The following FREM1 variants were observed in gnomAD, a reference collection of about 807,000 sequenced individuals.
FREM1 encodes the protein FRAS1-related extracellular matrix protein 1.
Under a neutral mutation model 210.1 loss-of-function variants are expected in FREM1, and 220 were observed. The ratio of observed to expected loss-of-function variants is 1.05; its 90% CI spans 0.94 to 1.17. The LOEUF (loss-of-function observed/expected upper bound fraction) is 1.17, where lower values mean the gene tolerates loss of function less well. FREM1 is among the 50% of genes most tolerant of loss of function. The pLI, the probability that FREM1 is intolerant of heterozygous loss-of-function variation, is 0.00. For missense variants in FREM1, 3,454 were observed against 2,675.5 expected, an observed-to-expected ratio of 1.29 and a Z score of -6.42; for synonymous variants, 1,189 against 980.2, an observed-to-expected ratio of 1.21 and a Z score of -3.98.
intron 1 of FREM1, among the ~76,000 whole-genome samples, chr9:14,890,570 A>T (rs1455317563): frequency 1.3e-5 from 2 of 152,224 alleles, no homozygotes; most frequent in African/African-American, 4.8e-5. Flanking sequence ...AAACAAAACA[A>T]AACGGGTTCT....
intron 3 of FREM1, among the ~76,000 whole-genome samples, chr9:14,862,119 A>G (rs1211026483): frequency 6.6e-6 from 1 of 152,188 alleles, no homozygotes; most frequent in African/African-American, 2.4e-5. Context: ...CATTTTCTCA[A>G]CACAGCATTT....
Position 14,792,631 on chromosome 9 carries a change from C to T in FREM1, c.3981+112G>A, listed in dbSNP as rs1459620405. On this transcript the variant is annotated intron_variant, in intron 22 of 36. Coordinates refer to ENST00000380880, the MANE Select transcript of FREM1 (RefSeq NM_001379081.2). ...ACTAGTAAAATTAAATTTTCTACTTCTAGGCAAATATATGTCTATCAGAGA... is the reference window on the plus strand; with the variant it reads ...ACTAGTAAAATTAAATTTTCTACTTTTAGGCAAATATATGTCTATCAGAGA... 7.4e-6 allele frequency: 6 copies of T among 809,138 alleles called. No individual in the cohort carries two copies. The South Asian group carries it at 1.4e-4, about 19-fold the overall frequency. 50.1% of individuals were successfully genotyped at this position (809,138 alleles called of 1,614,324 possible).
chr9:14,842,156 C>T (rs1256102401), intron 9 of FREM1, among the ~76,000 whole-genome samples, 160 bp downstream of exon 9: 1 of 152,184 alleles, frequency 6.6e-6, no homozygotes, highest in Non-Finnish European at 1.5e-5. Flanking sequence ...CAGGCTTCCT[C>T]ATTATGAAAT....
Position 14,813,018 on chromosome 9 carries a change from A to G in FREM1, c.2687T>C (p.Met896Thr), listed in dbSNP as rs200132311. Reference sequence around the variant, plus strand: ...TCCCTCTGAGCAATTCATGACAGGCATGAGGTCAGCCTTTAAGACTGGTGG... The same window carrying G: ...TCCCTCTGAGCAATTCATGACAGGCGTGAGGTCAGCCTTTAAGACTGGTGG... The part of the protein sequence containing the change: ...DEPPVLKADL[M>T]PVMNCSEGGE... The change falls in exon 16 of 37, where the codon ATG becomes ACG. Residue 896 changes from methionine (M) to threonine (T), a missense_variant. Transcript: ENST00000380880. 1 of 1,613,924 alleles carries G rather than the reference A, an allele frequency of 6.2e-7. No homozygotes were observed. Among genetic ancestry groups the G allele is most frequent in the Admixed American group, 1.7e-5 (1 of 60,006 alleles).
intron 1 of FREM1, among the ~76,000 whole-genome samples, chr9:14,894,593 A>G (rs1837376546): frequency 6.6e-6 from 1 of 152,250 alleles, no homozygotes; most frequent in Non-Finnish European, 1.5e-5. Context: ...GAACTAATAG[A>G]AGACTGAAGT....
At chr9:14,762,408 T>G (rs759258922) in intron 27 of FREM1, among the ~76,000 whole-genome samples, 4 of 152,204 alleles carry the variant, frequency 2.6e-5, no homozygotes, top group African/African-American at 9.6e-5. Context: ...ATTCTGTAGA[T>G]CCTGGTGACC....
At chr9:14,814,120 G>C (rs1292920128) in intron 15 of FREM1, among the ~76,000 whole-genome samples, 2 of 152,050 alleles carry the variant, frequency 1.3e-5, no homozygotes, top group African/African-American at 2.4e-5. Flanking sequence ...CTCTTTGCTT[G>C]GTTAACTCCT....
intron 30 of FREM1, among the ~76,000 whole-genome samples, chr9:14,749,185 A>C (rs1222879430): frequency 6.6e-6 from 1 of 152,224 alleles, no homozygotes; most frequent in Non-Finnish European, 1.5e-5. Flanking sequence ...GGCATAAAAA[A>C]TTTGAGGGCA....
intron 24 of FREM1, among the ~76,000 whole-genome samples, chr9:14,776,598 T>C (rs933588465): frequency 2.0e-5 from 3 of 152,362 alleles, no homozygotes; most frequent in Admixed American, 2.0e-4. Context: ...TTCAATTGTT[T>C]TTTTCTTCAT....
intron 10 of FREM1, among the ~76,000 whole-genome samples, chr9:14,832,135 T>G (rs1823680879): frequency 6.6e-6 from 1 of 152,248 alleles, no homozygotes; most frequent in African/African-American, 2.4e-5. Flanking sequence ...TATTTTCTTT[T>G]GCAGCCATAT....
At chr9:14,900,727 G>A (rs1322800696) in intron 1 of FREM1, among the ~76,000 whole-genome samples, 3 of 152,208 alleles carry the variant, frequency 2.0e-5, no homozygotes, top group Non-Finnish European at 4.4e-5. Flanking sequence ...TCCCTGGAAA[G>A]CCAGTCCCAT....
chr9:14,905,774 C>T (rs1053145060), intron 1 of FREM1, among the ~76,000 whole-genome samples: 5 of 152,122 alleles, frequency 3.3e-5, no homozygotes, highest in Non-Finnish European at 5.9e-5. Context: ...GCCTGTAGTC[C>T]CAGCTACTCG....
chr9:14,868,964 C>T lies in FREM1; in HGVS notation c.14G>A (p.Ser5Asn), dbSNP rs373691883. 2 of 1,581,004 alleles carry T rather than the reference C, an allele frequency of 1.3e-6. No individual in the cohort carries two copies. Among genetic ancestry groups the T allele is most frequent in the Admixed American group, 1.8e-5 (1 of 56,960 alleles). Residue 5 changes from serine (S) to asparagine (N), a missense_variant, in exon 2 of 37, where the codon AGT becomes AAT. Ser to Asn is a conservative substitution (Grantham distance 46). Coordinates refer to ENST00000380880, the MANE Select transcript of FREM1 (RefSeq NM_001379081.2). MNSL[S>N]WGAANAVLLL... is the part of the protein sequence containing the mutation. Reference sequence around the variant, plus strand: ...CAGCACGGCATTCGCAGCCCCCCAACTCAGAGAGTTCATGCTGACAGGGCC... The same window carrying T: ...CAGCACGGCATTCGCAGCCCCCCAATTCAGAGAGTTCATGCTGACAGGGCC...
chr9:14,756,430 G>T lies in FREM1; in HGVS notation c.5351C>A (p.Ala1784Asp). Residue 1784 changes from alanine (A) to aspartate (D), a missense_variant, in exon 29 of 37, where the codon GCT becomes GAT. Ala to Asp is a moderately radical substitution (Grantham distance 126). Transcript: ENST00000380880. ...FVGIKVNQVS[A>D]AVGKDFTVIP... ...CACGGTGAAATCTTTTCCAACTGCA[G>T]CTGACACTTGGTTGACCTTAGGAGG... The T allele has an allele frequency of 6.3e-7, 1 of 1,598,618 alleles. No individual in the cohort carries two copies. Among genetic ancestry groups the T allele is most frequent in the Non-Finnish European group, 8.5e-7 (1 of 1,172,000 alleles).
chr9:14,758,681 A>T, intron 28 of FREM1, among the ~76,000 whole-genome samples: 5 of 98,564 alleles, frequency 5.1e-5, no homozygotes, highest in African/African-American at 7.5e-5. Flanking sequence ...TGGTGGGGGG[A>T]TGGGGTGGGG....
At chr9:14,898,544 C>A (rs1163055635) in intron 1 of FREM1, among the ~76,000 whole-genome samples, 2 of 152,148 alleles carry the variant, frequency 1.3e-5, no homozygotes, top group Non-Finnish European at 2.9e-5. Context: ...GAGTTCGAGA[C>A]CAGCCTGGCC....
At chr9:14,758,697 T>A (rs571462132) in intron 28 of FREM1, among the ~76,000 whole-genome samples, 3 of 150,676 alleles carry the variant, frequency 2.0e-5, no homozygotes, top group South Asian at 2.1e-4. Flanking sequence ...TGGGGGGGAG[T>A]CTTTACAGCT....
chr9:14,894,072 G>C (rs1184766597), intron 1 of FREM1, among the ~76,000 whole-genome samples: 1 of 152,116 alleles, frequency 6.6e-6, no homozygotes, highest in African/African-American at 2.4e-5. Context: ...GTTTTATTAA[G>C]AATTGGATTT....
intron 1 of FREM1, among the ~76,000 whole-genome samples, chr9:14,898,720 C>T (rs1588657858): frequency 6.6e-6 from 1 of 152,094 alleles, no homozygotes; most frequent in African/African-American, 2.4e-5. Context: ...CCAGCCTGGG[C>T]GACAGAGACT....
Sources: gnomAD v4.1 joint callset for allele counts (sites outside exome capture counted in the v4.1 genomes callset) on GRCh38, gnomAD v4.1.1 for gene constraint, MANE v1.5 for transcripts, NCBI Gene and HGNC (gene_info 2026-07-23, HGNC 2026-07-21) for gene names.